Variants in ST7L observed in about 807,000 individuals in gnomAD.
The protein encoded by ST7L is suppressor of tumorigenicity 7 protein-like.
A neutral mutation model predicts 72.5 loss-of-function variants in ST7L; 57 were observed. That is an observed-to-expected ratio of 0.79 (90% CI 0.64 to 0.98). ST7L has a LOEUF of 0.98. Ranked by LOEUF, ST7L falls within the 50% of genes least tolerant of loss-of-function variation. The pLI, the probability that ST7L is intolerant of heterozygous loss-of-function variation, is 0.00. For missense variants in ST7L, 576 were observed against 672.2 expected, an observed-to-expected ratio of 0.86 and a Z score of 1.58; for synonymous variants, 221 against 240.9, an observed-to-expected ratio of 0.92 and a Z score of 0.77.
intron 14 of ST7L, among the ~76,000 whole-genome samples, chr1:112,541,548 T>A (rs1656101052): frequency 1.3e-5 from 2 of 152,192 alleles, no homozygotes; most frequent in African/African-American, 4.8e-5. Flanking sequence ...TTATCCATCC[T>A]AGTTGTGCTC....
rs116580400 is a variant in ST7L, at chr1:112,600,798, T to C, written c.502A>G (p.Arg168Gly). Residue 168 changes from arginine to glycine, a missense_variant, in exon 4 of 15, where the codon AGG becomes GGG. By Grantham distance (125) the Arg-to-Gly change is moderately radical. This residue lies in a region of ST7L where 511 missense variants were observed against 600.7 expected (regional missense o/e 0.85). Coordinates refer to ENST00000358039, the MANE Select transcript of ST7L (RefSeq NM_017744.5). ...ACTGAAAGCAAAATGTAATACCTCC[T>C]ATATTCTGCTCCTCTGAAAAGATTT... ...PLNLFRGAEY[R>G]RYTWVTGKEP... 0.016 allele frequency: 25,835 copies of C among 1,610,272 alleles called. 290 individuals carry two copies. The highest frequency in any genetic ancestry group is 0.067 in the Middle Eastern group (399 of 5,948).
At chr1:112,526,848 C>A (rs1653511636) in intron 14 of ST7L, 1 of 152,138 alleles carries the variant, frequency 6.6e-6, no homozygotes, top group African/African-American at 2.4e-5. Context: ...GAATAAGTGT[C>A]CTAAGAAACT....
At chr1:112,538,446 G>A (rs1446089035) in intron 14 of ST7L, among the ~76,000 whole-genome samples, 2 of 152,070 alleles carry the variant, frequency 1.3e-5, no homozygotes, top group Non-Finnish European at 2.9e-5. Context: ...AGGCTCAAGC[G>A]ATCCTCCCAT....
intron 5 of ST7L, among the ~76,000 whole-genome samples, chr1:112,593,329 T>C (rs1245451677): frequency 6.6e-6 from 1 of 152,196 alleles, no homozygotes; most frequent in Non-Finnish European, 1.5e-5. Context: ...TAAAACAAAA[T>C]GCTGATTTGG....
chr1:112,554,749 A>G (rs987528185), intron 12 of ST7L, among the ~76,000 whole-genome samples: 2 of 152,208 alleles, frequency 1.3e-5, no homozygotes, highest in African/African-American at 4.8e-5. Flanking sequence ...GTTCATTAAC[A>G]GATGAATGGA....
chr1:112,582,283 A>C (rs1664243812), intron 8 of ST7L, 92 bp downstream of exon 8: 1 of 1,008,450 alleles, frequency 9.9e-7, no homozygotes, highest in Non-Finnish European at 1.5e-6. Flanking sequence ...CAATTAAAAT[A>C]CAATGATTCT....
intron 6 of ST7L, 24 bp downstream of exon 6, chr1:112,591,500 TA>T (rs1305650360): frequency 6.3e-7 from 1 of 1,591,312 alleles, no homozygotes; most frequent in African/African-American, 1.4e-5. Context: ...AAAATAAATT[TA>T]TTTTCCATAT....
intron 7 of ST7L, among the ~76,000 whole-genome samples, chr1:112,583,560 C>T (rs940815727): frequency 7.2e-5 from 11 of 152,218 alleles, no homozygotes; most frequent in Admixed American, 4.6e-4. Context: ...TGCAGATACA[C>T]AGTCTGAAGA....
Position 112,584,055 on chromosome 1 carries a change from TTAAA to T in ST7L, c.769_772del (p.Phe257AsnfsTer28). On this transcript the variant is annotated frameshift_variant, in exon 7 of 15. Coordinates refer to ENST00000358039, the MANE Select transcript of ST7L (RefSeq NM_017744.5). LOFTEE classifies it high-confidence loss of function. ...TGTTTCTCCTGCCTTGAGTGCCTGT[TTAAA>T]TAACCTTTCAGCATCTACAATAGTT... 6.2e-7 allele frequency: 1 copy of T among 1,614,198 alleles called. No homozygotes were observed. The highest frequency in any genetic ancestry group is 8.5e-7 in the Non-Finnish European group (1 of 1,180,028).
At chr1:112,594,158 A>G (rs1666077699) in intron 5 of ST7L, among the ~76,000 whole-genome samples, 2 of 151,342 alleles carry the variant, frequency 1.3e-5, no homozygotes, top group Non-Finnish European at 2.9e-5. Flanking sequence ...CCTAACCACA[A>G]TTCCTATACC....
intron 14 of ST7L, chr1:112,528,049 T>A (rs1319341476): frequency 6.6e-6 from 1 of 152,100 alleles, no homozygotes; most frequent in Non-Finnish European, 1.5e-5. Context: ...TACAATAAAA[T>A]GAAACAGTTT....
intron 13 of ST7L, among the ~76,000 whole-genome samples, chr1:112,547,373 A>G (rs1477051486): frequency 6.6e-6 from 1 of 151,478 alleles, no homozygotes; most frequent in Non-Finnish European, 1.5e-5. Flanking sequence ...TTGTATTTTT[A>G]GTAGAGATGG....
At chr1:112,561,554 C>T (rs1454786899) in intron 11 of ST7L, among the ~76,000 whole-genome samples, 2 of 151,976 alleles carry the variant, frequency 1.3e-5, no homozygotes, top group Non-Finnish European at 1.5e-5. Flanking sequence ...GATCTCGGCT[C>T]AGTGCAACTT....
In ST7L at chr1:112,556,035, C is replaced by T; in HGVS notation, c.1246-17G>A. Reference sequence around the variant, plus strand: ...TAATAAATACTGAAAGAGTAACACACAGACACATATACACACAACAGAAAA... The same window carrying T: ...TAATAAATACTGAAAGAGTAACACATAGACACATATACACACAACAGAAAA... On this transcript the variant is annotated splice_polypyrimidine_tract_variant and intron_variant, in intron 11 of 14. Coordinates refer to ENST00000358039, the MANE Select transcript of ST7L (RefSeq NM_017744.5). 12 of 1,563,504 alleles carry T rather than the reference C, an allele frequency of 7.7e-6. No homozygotes were observed. Among genetic ancestry groups the T allele is most frequent in the Non-Finnish European group, 1.0e-5 (12 of 1,153,514 alleles).
At chr1:112,553,312 T>C (rs889477489) in intron 12 of ST7L, among the ~76,000 whole-genome samples, 14 of 151,994 alleles carry the variant, frequency 9.2e-5, no homozygotes, top group African/African-American at 3.4e-4. Context: ...ATTTCTGGCC[T>C]CAAGTGATCC....
intron 8 of ST7L, 61 bp from the exon 9 acceptor site, chr1:112,582,167 C>T (rs1664224847): frequency 4.0e-6 from 5 of 1,257,686 alleles, no homozygotes; most frequent in Non-Finnish European, 5.7e-6. Context: ...TAGAGCTGAG[C>T]CAGATTCATT....
At chr1:112,580,222 C>T (rs898144464) in intron 9 of ST7L, among the ~76,000 whole-genome samples, 1 of 152,202 alleles carries the variant, frequency 6.6e-6, no homozygotes, top group Non-Finnish European at 1.5e-5. Flanking sequence ...AATCTTGGTT[C>T]ACTGCAACCT....
chr1:112,571,323 A>G (rs1303736271), intron 11 of ST7L: 4 of 456,396 alleles, frequency 8.8e-6, no homozygotes, highest in Non-Finnish European at 1.8e-5. Context: ...TTTGATATTT[A>G]GTTGAGGGGA....
At chr1:112,549,909 AATGTT>A (rs1657825948) in intron 13 of ST7L, among the ~76,000 whole-genome samples, 1 of 152,152 alleles carries the variant, frequency 6.6e-6, no homozygotes. Context: ...CATTAAATAT[AATGTT>A]AATTGTGGGT....
Sources: gnomAD v4.1 joint callset for allele counts (sites outside exome capture counted in the v4.1 genomes callset) on GRCh38, gnomAD v4.1.1 for gene constraint, gnomAD v4.1.1 regional missense constraint, MANE v1.5 for transcripts, NCBI Gene and HGNC (gene_info 2026-07-23, HGNC 2026-07-21) for gene names.